The following VPS13C variants were observed in gnomAD, a reference collection of about 807,000 sequenced individuals.
VPS13C encodes vacuolar protein sorting 13 homolog C.
In VPS13C, 358 loss-of-function variants were observed where a neutral mutation model predicts 456.8. The observed-to-expected ratio is 0.78, with a 90% CI of 0.72 to 0.86. The LOEUF (loss-of-function observed/expected upper bound fraction) is 0.86. VPS13C is among the 40% of genes least tolerant of loss of function. VPS13C has a pLI of 0.00. For synonymous variants in VPS13C, 1,578 were observed against 1,486.7 expected, an observed-to-expected ratio of 1.06 and a Z score of -1.41; for missense variants, 4,818 against 4,385.4, an observed-to-expected ratio of 1.10 and a Z score of -2.79.
intron 66 of VPS13C, among the ~76,000 whole-genome samples, chr15:61,900,017 G>A (rs181376899): frequency 0.016 from 2,488 of 152,272 alleles, 38 homozygotes; most frequent in South Asian, 0.042. Context: ...AAAACCACAT[G>A]ATTGTCTCAA....
intron 66 of VPS13C, among the ~76,000 whole-genome samples, chr15:61,903,902 G>A (rs977112717): frequency 6.6e-6 from 1 of 152,134 alleles, no homozygotes; most frequent in Non-Finnish European, 1.5e-5. Context: ...TTCAACAAAT[G>A]GTGCTGGGAA....
intron 19 of VPS13C, among the ~76,000 whole-genome samples, 200 bp from the exon 20 acceptor site, chr15:61,984,212 T>C (rs958829215): frequency 6.6e-6 from 1 of 152,220 alleles, no homozygotes; most frequent in East Asian, 1.9e-4. Context: ...TTGTTTTAAT[T>C]AACTCCTTTC....
At position 62,010,552 on chromosome 15, in the gene VPS13C, C is replaced by A; in HGVS notation, c.931G>T (p.Ala311Ser). Residue 311 changes from alanine (A) to serine (S), a missense_variant, in exon 13 of 85, where the codon GCA (alanine) becomes TCA (serine). By Grantham distance (99) the Ala-to-Ser change is moderately conservative (BLOSUM62 1). Around this residue, in one of 3 missense-constraint regions of VPS13C, gnomAD observed 4,552 missense variants for 4,130.6 expected, o/e 1.10. Coordinates refer to ENST00000644861, the MANE Select transcript of VPS13C (RefSeq NM_020821.3). The stretch of plus-strand genomic sequence containing the variant: ...TTGGGCGTTTTGAGCTCTGATTCTG[C>A]ATAAGGATTCATGTAGAGTTTTGCA... ...ASAKLYMNPY[A>S]ESELKTPKLD... 6.2e-7 allele frequency: 1 copy of A among 1,613,226 alleles called. No individual in the cohort carries two copies. The highest frequency in any genetic ancestry group is 8.5e-7 in the Non-Finnish European group (1 of 1,179,654).
intron 11 of VPS13C, 54 bp from the exon 12 acceptor site, chr15:62,012,218 T>TCACA: frequency 2.6e-6 from 2 of 759,360 alleles, no homozygotes; most frequent in East Asian, 2.9e-5. Context: ...ATATTCAGAC[T>TCACA]CAGACACACA....
intron 1 of VPS13C, among the ~76,000 whole-genome samples, chr15:62,047,804 T>C (rs76989075): frequency 0.031 from 4,685 of 152,286 alleles, 117 homozygotes; most frequent in Non-Finnish European, 0.047. Flanking sequence ...ATCCTATGAA[T>C]TCCAGAAATC....
rs1265554666 is a variant in VPS13C at position 61,949,717 on chromosome 15, A to T, written c.4597-112T>A. 1.4e-5 allele frequency: 14 copies of T among 1,034,024 alleles called. No individual in the cohort carries two copies. The South Asian group carries it at 1.5e-4, about 11-fold the overall frequency. The allele number at this position is 1,034,024 out of a possible 1,614,324, so 64.1% of individuals were successfully genotyped here. A position where few individuals can be genotyped will look rare whatever the true frequency, so the allele number is the denominator to read the frequency against. ...CAGTTCAATTAAGGGCCTTTTTAAAATTTTTATTTTTTTAAGAACTCACTA... is the reference window on the plus strand; with the variant it reads ...CAGTTCAATTAAGGGCCTTTTTAAATTTTTTATTTTTTTAAGAACTCACTA... On this transcript the variant is annotated intron_variant, in intron 41 of 84. Transcript: ENST00000644861.
intron 26 of VPS13C, 94 bp from the exon 27 acceptor site, chr15:61,972,858 T>G (rs568309874): frequency 1.5e-6 from 2 of 1,328,534 alleles, no homozygotes; most frequent in South Asian, 1.5e-5. Flanking sequence ...TGAAATTCAT[T>G]TATTAGATAT....
At chr15:62,005,116 T>G (rs2046785232) in intron 15 of VPS13C, among the ~76,000 whole-genome samples, 1 of 152,092 alleles carries the variant, frequency 6.6e-6, no homozygotes. Flanking sequence ...ATGTTGACAG[T>G]GGGGTGTTAA....
chr15:61,989,524 C>A (rs950597942), intron 18 of VPS13C, among the ~76,000 whole-genome samples: 3 of 151,992 alleles, frequency 2.0e-5, no homozygotes, highest in Admixed American at 1.3e-4. Flanking sequence ...TAGCAAAGGC[C>A]TCATATCCAG....
At chr15:61,920,428 G>A (rs1037860872) in intron 56 of VPS13C, 70 bp downstream of exon 56, 1 of 1,484,982 alleles carries the variant, frequency 6.7e-7, no homozygotes, top group African/African-American at 1.4e-5. Flanking sequence ...AACTAATTTT[G>A]ATGACAAAAA....
intron 38 of VPS13C, among the ~76,000 whole-genome samples, chr15:61,953,943 A>G (rs2044893566): frequency 6.6e-6 from 1 of 152,138 alleles, no homozygotes; most frequent in South Asian, 2.1e-4. Context: ...TTTTACCTCT[A>G]TCCTTGTCAC....
At chr15:61,902,107 T>C (rs1292292830) in intron 66 of VPS13C, among the ~76,000 whole-genome samples, 3 of 99,218 alleles carry the variant, frequency 3.0e-5, no homozygotes, top group Non-Finnish European at 5.7e-5. Flanking sequence ...CTCTGGGGAC[T>C]GTTGTGGGGT....
At chr15:61,956,494 AAG>A (rs1220845686) in intron 37 of VPS13C, among the ~76,000 whole-genome samples, 1 of 152,132 alleles carries the variant, frequency 6.6e-6, no homozygotes, top group Non-Finnish European at 1.5e-5. Context: ...TTGGGAAAAA[AAG>A]AGAGTGAAAG....
intron 22 of VPS13C, among the ~76,000 whole-genome samples, chr15:61,979,396 G>A (rs564373236): frequency 1.5e-3 from 224 of 152,048 alleles, no homozygotes; most frequent in African/African-American, 5.2e-3. Flanking sequence ...TTTGAAAATG[G>A]CCCCCCCATA....
intron 11 of VPS13C, 26 bp downstream of exon 11, chr15:62,013,013 C>G (rs1187424653): frequency 1.3e-6 from 2 of 1,577,310 alleles, no homozygotes; most frequent in Admixed American, 3.5e-5. Flanking sequence ...GTGAAGTTAG[C>G]TCTTCCAAGT....
chr15:62,017,914 A>G (rs995020819), intron 9 of VPS13C, among the ~76,000 whole-genome samples: 58 of 152,316 alleles, frequency 3.8e-4, no homozygotes, highest in African/African-American at 1.3e-3. Flanking sequence ...CTTCCTATCC[A>G]TGAGCATGGA....
At chr15:62,028,326 A>G (rs1318828996) in intron 6 of VPS13C, 32 bp downstream of exon 6, 1 of 1,607,632 alleles carries the variant, frequency 6.2e-7, no homozygotes, top group African/African-American at 1.3e-5. Context: ...ATATGTTTAT[A>G]TAGTTGAATA....
chr15:62,023,307 A>T, intron 8 of VPS13C, 104 bp downstream of exon 8: 1 of 676,264 alleles, frequency 1.5e-6, no homozygotes, highest in Non-Finnish European at 2.3e-6. Context: ...GAAAAAAATT[A>T]ATCTCGGATT....
At chr15:61,880,037 T>C (rs901824472) in intron 73 of VPS13C, among the ~76,000 whole-genome samples, 4 of 152,118 alleles carry the variant, frequency 2.6e-5, no homozygotes, top group East Asian at 1.9e-4. Context: ...TTATGGTTGA[T>C]AGCATTTGTG....
Sources: gnomAD v4.1 joint callset for allele counts (sites outside exome capture counted in the v4.1 genomes callset) on GRCh38, gnomAD v4.1.1 for gene constraint, gnomAD v4.1.1 regional missense constraint, MANE v1.5 for transcripts, NCBI Gene and HGNC (gene_info 2026-07-23, HGNC 2026-07-21) for gene names.